MIGA1: variants seen among roughly 807,000 people sequenced by gnomAD.
The protein encoded by MIGA1 is family with sequence similarity 73, member A.
MIGA1 carries 58 observed loss-of-function variants against 82.0 expected under a neutral mutation model. That is an observed-to-expected ratio of 0.71 (90% CI 0.57 to 0.88). The LOEUF is 0.88. Ranked by LOEUF, MIGA1 falls within the 40% of genes least tolerant of loss-of-function variation. MIGA1 has a pLI of 0.00. For missense variants in MIGA1, 751 were observed against 749.1 expected (o/e 1.00, Z -0.03); for synonymous variants, 249 against 253.6 (o/e 0.98, Z 0.17).
chr1:77,786,363 T>C (rs1176670990), intron 2 of MIGA1, among the ~76,000 whole-genome samples: 2 of 152,216 alleles, frequency 1.3e-5, no homozygotes, highest in South Asian at 4.1e-4. Context: ...ATCTTGGGGA[T>C]TAACATTTGG....
intron 5 of MIGA1, among the ~76,000 whole-genome samples, chr1:77,808,897 T>C (rs1344491246): frequency 1.3e-5 from 2 of 152,228 alleles, no homozygotes; most frequent in Admixed American, 6.5e-5. Flanking sequence ...TAAATTCACA[T>C]ATTTCTAGAT....
At chr1:77,820,361 G>A (rs1683755193) in intron 7 of MIGA1, among the ~76,000 whole-genome samples, 1 of 152,144 alleles carries the variant, frequency 6.6e-6, no homozygotes, top group Non-Finnish European at 1.5e-5. Flanking sequence ...ATAACTAAAA[G>A]TACAGACTGT....
intron 5 of MIGA1, among the ~76,000 whole-genome samples, chr1:77,813,084 C>T (rs1334468259): frequency 1.3e-5 from 2 of 152,116 alleles, no homozygotes; most frequent in East Asian, 1.9e-4. Flanking sequence ...AGGTTCAAGC[C>T]GATTCTCCCG....
intron 8 of MIGA1, among the ~76,000 whole-genome samples, chr1:77,845,936 C>T (rs1012382927): frequency 8.7e-5 from 13 of 148,876 alleles, no homozygotes; most frequent in Admixed American, 5.4e-4. Flanking sequence ...TTTGGAACCA[C>T]GGATGAAAAG....
At chr1:77,816,741 C>G (rs1201121413) in intron 7 of MIGA1, among the ~76,000 whole-genome samples, 1 of 152,028 alleles carries the variant, frequency 6.6e-6, no homozygotes, top group Non-Finnish European at 1.5e-5. Flanking sequence ...TATAATTTGT[C>G]AAAGCTTTAT....
intron 7 of MIGA1, among the ~76,000 whole-genome samples, chr1:77,819,974 T>A (rs1328353690): frequency 6.6e-6 from 1 of 152,218 alleles, no homozygotes; most frequent in South Asian, 2.1e-4. Flanking sequence ...TGTGAACTTT[T>A]TGTGGACAAA....
intron 2 of MIGA1, among the ~76,000 whole-genome samples, chr1:77,789,107 T>A (rs747867703): frequency 1.8e-4 from 27 of 151,758 alleles, no homozygotes; most frequent in African/African-American, 2.7e-4. Context: ...ATATATATAT[T>A]TTTAAATTGT....
intron 7 of MIGA1, among the ~76,000 whole-genome samples, chr1:77,841,738 T>TTTCTC (rs1684633969): frequency 4.4e-4 from 1 of 2,288 alleles, no homozygotes; most frequent in East Asian, 0.015. Flanking sequence ...TTCTGCTTTC[T>TTTCTC]TTCTTTTCTT....
intron 5 of MIGA1, among the ~76,000 whole-genome samples, chr1:77,813,408 G>C (rs896179473): frequency 4.6e-5 from 7 of 152,132 alleles, no homozygotes; most frequent in Middle Eastern, 3.4e-3. Context: ...TAGTTGTGTG[G>C]CTATAAAAAA....
chr1:77,860,437 C>T (rs1414665270), intron 11 of MIGA1: 5 of 218,904 alleles, frequency 2.3e-5, no homozygotes, highest in Non-Finnish European at 3.6e-5. Flanking sequence ...CAATCCTGTT[C>T]AGGAAGAGGG....
intron 8 of MIGA1, chr1:77,847,442 GA>G (rs1684886361): frequency 1.4e-6 from 2 of 1,434,418 alleles, no homozygotes; most frequent in Middle Eastern, 1.8e-4. Flanking sequence ...AAGCAGTTGA[GA>G]TCAGAAAAAA....
At position 77,854,096 on chromosome 1, in the gene MIGA1, G is replaced by A. The variant is rs539683799; in HGVS notation, c.997-4842G>A. On this transcript the variant is annotated intron_variant, in intron 8 of 15. Transcript: ENST00000370791. ...CATTGTATCATTCTTATGCCTTTGC[G>A]TCCTCATAGTTTAGCTCCCACTTAT... 7.8e-4 allele frequency among the ~76,000 whole-genome samples: 119 copies of A among 152,044 alleles called. No individual in the cohort carries two copies. In the South Asian group the frequency reaches 8.3e-3, roughly 11 times the overall value.
At chr1:77,816,093 G>T (rs1683563143) in intron 7 of MIGA1, among the ~76,000 whole-genome samples, 1 of 152,082 alleles carries the variant, frequency 6.6e-6, no homozygotes, top group African/African-American at 2.4e-5. Context: ...ACAGGCATGT[G>T]CCACCATACC....
At chr1:77,848,547 CA>C (rs1684928762) in intron 8 of MIGA1, 2 of 1,316,616 alleles carry the variant, frequency 1.5e-6, no homozygotes, top group East Asian at 2.3e-5. Flanking sequence ...AAAGATCCAA[CA>C]AAATGAGAAA....
In MIGA1 at chr1:77,878,520, G is replaced by C. The variant is rs1159689460; in HGVS notation, c.*3456G>C. On this transcript the variant is annotated 3_prime_UTR_variant, in exon 16 of 16. Transcript: ENST00000370791. ...TTTAGAGCCTTTTAGGGTAAACCCTGTTTAAACACTTAATCATGGAATTGC... is the reference window on the plus strand; with the variant it reads ...TTTAGAGCCTTTTAGGGTAAACCCTCTTTAAACACTTAATCATGGAATTGC... 1 of 220,266 alleles carries C rather than the reference G, an allele frequency of 4.5e-6. No individual in the cohort carries two copies. Among genetic ancestry groups the C allele is most frequent in the African/African-American group, 2.3e-5 (1 of 44,022 alleles). 13.6% of individuals were successfully genotyped at this position (220,266 alleles called of 1,614,324 possible).
At chr1:77,870,953 G>C (rs1685957500) in intron 14 of MIGA1, among the ~76,000 whole-genome samples, 1 of 151,158 alleles carries the variant, frequency 6.6e-6, no homozygotes, top group East Asian at 2.0e-4. Flanking sequence ...AGGCGTGGCG[G>C]TGCGCGCCTG....
chr1:77,783,477 T>TA (rs1450707230), intron 2 of MIGA1, 126 bp downstream of exon 2: 1 of 465,806 alleles, frequency 2.1e-6, no homozygotes, highest in Non-Finnish European at 3.6e-6. Context: ...TTACAGTAGT[T>TA]AAAAAACCTA....
chr1:77,836,804 C>CT (rs1389700483), intron 7 of MIGA1, among the ~76,000 whole-genome samples: 9 of 151,838 alleles, frequency 5.9e-5, no homozygotes, highest in African/African-American at 1.9e-4. Flanking sequence ...AAGTTTTTTT[C>CT]TTTTTTTTAA....
At chr1:77,848,530 G>C in intron 8 of MIGA1, 6 of 1,273,220 alleles carry the variant, frequency 4.7e-6, no homozygotes, top group Non-Finnish European at 6.7e-6. Context: ...TAAATTTCTT[G>C]ACCAAGAAAG....
Sources: gnomAD v4.1 joint callset for allele counts (sites outside exome capture counted in the v4.1 genomes callset) on GRCh38, gnomAD v4.1.1 for gene constraint, MANE v1.5 for transcripts, NCBI Gene and HGNC (gene_info 2026-07-23, HGNC 2026-07-21) for gene names.